Variants in RASAL2 observed in about 807,000 individuals in gnomAD.
RASAL2 encodes the protein ras GTPase-activating protein nGAP.
In RASAL2, 58 loss-of-function variants were observed where a neutral mutation model predicts 128.9. That is an observed-to-expected ratio of 0.45 (90% CI 0.36 to 0.56). RASAL2 has a LOEUF of 0.56. Among genes scored for constraint, RASAL2 ranks in the 20% least tolerant of loss-of-function variants. The probability of loss-of-function intolerance (pLI) is 0.00; values close to 1 mark genes in which losing one functional copy is unlikely to be tolerated. For synonymous variants in RASAL2, 561 were observed against 580.8 expected (o/e 0.97, Z 0.49); for missense variants, 1,360 against 1,601.6 (o/e 0.85, Z 2.57).
intron 2 of RASAL2, among the ~76,000 whole-genome samples, chr1:178,294,683 A>G (rs1480710962): frequency 6.6e-6 from 1 of 152,222 alleles, no homozygotes; most frequent in African/African-American, 2.4e-5. Flanking sequence ...GCATTGGACA[A>G]TAGGCAGCCA....
intron 5 of RASAL2, among the ~76,000 whole-genome samples, chr1:178,436,912 G>A (rs146481695): frequency 5.0e-4 from 76 of 152,064 alleles, no homozygotes; most frequent in African/African-American, 1.3e-3. Flanking sequence ...CCCAGAGTTG[G>A]CCTCGTCTCT....
At chr1:178,172,765 T>C (rs537670403) in intron 1 of RASAL2, among the ~76,000 whole-genome samples, 1 of 152,214 alleles carries the variant, frequency 6.6e-6, no homozygotes, top group South Asian at 2.1e-4. Flanking sequence ...ATCATCATAA[T>C]TGCAGTATTT....
At chr1:178,354,756 G>A (rs180745892) in intron 3 of RASAL2, among the ~76,000 whole-genome samples, 5 of 152,184 alleles carry the variant, frequency 3.3e-5, no homozygotes, top group African/African-American at 9.6e-5. Flanking sequence ...TTTAAAAGAT[G>A]TGTAAAACAT....
intron 3 of RASAL2, among the ~76,000 whole-genome samples, chr1:178,344,772 T>A (rs1359684922): frequency 2.6e-5 from 4 of 152,228 alleles, no homozygotes; most frequent in African/African-American, 9.6e-5. Flanking sequence ...AATAACTGAT[T>A]CTTATATGCA....
intron 5 of RASAL2, among the ~76,000 whole-genome samples, chr1:178,426,234 G>T (rs927390723): frequency 6.6e-6 from 1 of 152,150 alleles, no homozygotes; most frequent in Non-Finnish European, 1.5e-5. Flanking sequence ...TAGGCAAAAA[G>T]TGATAACAAC....
At chr1:178,361,760 A>G (rs1671119782) in intron 3 of RASAL2, among the ~76,000 whole-genome samples, 1 of 151,942 alleles carries the variant, frequency 6.6e-6, no homozygotes, top group African/African-American at 2.4e-5. Context: ...TGTGCATTTT[A>G]TTTCTATTAT....
intron 16 of RASAL2, 111 bp downstream of exon 16, chr1:178,466,233 C>A: frequency 9.6e-7 from 1 of 1,045,742 alleles, no homozygotes; most frequent in African/African-American, 1.6e-5. Context: ...CCTTGTGGTA[C>A]TGAGTACAAA....
At chr1:178,319,527 T>G (rs368891006) in intron 3 of RASAL2, among the ~76,000 whole-genome samples, 10 of 150,194 alleles carry the variant, frequency 6.7e-5, no homozygotes, top group African/African-American at 1.5e-4. Flanking sequence ...TTCCCTTCTC[T>G]CTTCATTTCA....
At chr1:178,179,206 TG>T (rs1287977564) in intron 1 of RASAL2, among the ~76,000 whole-genome samples, 1 of 152,204 alleles carries the variant, frequency 6.6e-6, no homozygotes, top group East Asian at 1.9e-4. Flanking sequence ...ATTCCTGTTA[TG>T]GCTGATTTCA....
chr1:178,450,049 A>G (rs1232045952), intron 9 of RASAL2, among the ~76,000 whole-genome samples: 3 of 152,168 alleles, frequency 2.0e-5, no homozygotes, highest in African/African-American at 7.2e-5. Context: ...TTGTGGAAAC[A>G]CATAGCACAG....
chr1:178,133,379 A>T (rs983443303), intron 1 of RASAL2, among the ~76,000 whole-genome samples: 2 of 152,048 alleles, frequency 1.3e-5, no homozygotes, highest in Non-Finnish European at 2.9e-5. Flanking sequence ...AAACCTAGCA[A>T]CTCTATGAAT....
At chr1:178,285,258 C>T (rs888334483) in intron 2 of RASAL2, among the ~76,000 whole-genome samples, 5 of 151,210 alleles carry the variant, frequency 3.3e-5, no homozygotes, top group Admixed American at 2.6e-4. Flanking sequence ...GTAGCTGGGA[C>T]TACAGGCGCC....
At chr1:178,437,089 G>A (rs1676300864) in intron 5 of RASAL2, among the ~76,000 whole-genome samples, 1 of 152,076 alleles carries the variant, frequency 6.6e-6, no homozygotes, top group Admixed American at 6.6e-5. Context: ...CTCCTTATAG[G>A]TGTAGCACCA....
At chr1:178,155,487 A>T (rs1322672379) in intron 1 of RASAL2, among the ~76,000 whole-genome samples, 3 of 151,726 alleles carry the variant, frequency 2.0e-5, no homozygotes, top group African/African-American at 7.3e-5. Context: ...AAATTTTAGA[A>T]GTACGATGTT....
chr1:178,113,564 GTA>G (rs1491020406), intron 1 of RASAL2, among the ~76,000 whole-genome samples: 26 of 131,430 alleles, frequency 2.0e-4, no homozygotes, highest in African/African-American at 7.3e-4. Context: ...GTGTGTGTGT[GTA>G]GAGGCAGAGT....
At chr1:178,259,719 G>A (rs539501771) in intron 1 of RASAL2, among the ~76,000 whole-genome samples, 82 of 152,184 alleles carry the variant, frequency 5.4e-4, no homozygotes, top group Non-Finnish European at 9.7e-4. Context: ...GTGCTCCCAT[G>A]CCCAGCTAAT....
rs147811264 is a variant in RASAL2 at position 178,231,634 on chromosome 1, C to CA, written c.203-51929dup. ...CTCAGGTCACAAAAATACTCACTCA[C>CA]AGTTTTTTTTTACAAGCTTTATAAT... On this transcript the variant is annotated intron_variant, in intron 1 of 17. Transcript: ENST00000367649. Among the ~76,000 whole-genome samples the CA allele has an allele frequency of 1.9e-3, 291 of 152,152 alleles. 1 individual carries two copies. Among genetic ancestry groups the CA allele is most frequent in the Admixed American group, 5.3e-3 (81 of 15,270 alleles).
chr1:178,335,978 A>T (rs1476983307), intron 3 of RASAL2, among the ~76,000 whole-genome samples: 2 of 151,784 alleles, frequency 1.3e-5, no homozygotes, highest in Non-Finnish European at 2.9e-5. Flanking sequence ...TTAGTATACC[A>T]TAGTGGTTAA....
At chr1:178,295,641 AAC>A (rs968507614) in intron 2 of RASAL2, among the ~76,000 whole-genome samples, 37 of 152,228 alleles carry the variant, frequency 2.4e-4, no homozygotes, top group Middle Eastern at 3.4e-3. Flanking sequence ...GGCTTGTTAA[AAC>A]ACAGATTGCC....
Sources: gnomAD v4.1 joint callset for allele counts (sites outside exome capture counted in the v4.1 genomes callset) on GRCh38, gnomAD v4.1.1 for gene constraint, MANE v1.5 for transcripts, NCBI Gene and HGNC (gene_info 2026-07-23, HGNC 2026-07-21) for gene names.